TBC1D1: variants seen among roughly 807,000 people sequenced by gnomAD.
The protein encoded by TBC1D1 is TBC1 domain family member 1.
TBC1D1 carries 89 observed loss-of-function variants against 125.6 expected under a neutral mutation model. The observed-to-expected ratio is 0.71, with a 90% CI of 0.60 to 0.85. TBC1D1 has a LOEUF of 0.85. Ranked by LOEUF, TBC1D1 falls within the 40% of genes least tolerant of loss-of-function variation. The pLI is 0.00. For missense variants in TBC1D1, 1,377 were observed against 1,469.2 expected, an observed-to-expected ratio of 0.94 and a Z score of 1.03; for synonymous variants, 565 against 564.1, an observed-to-expected ratio of 1.00 and a Z score of -0.02.
At chr4:37,913,619 A>G (rs1462085109) in intron 2 of TBC1D1, among the ~76,000 whole-genome samples, 1 of 150,578 alleles carries the variant, frequency 6.6e-6, no homozygotes. Context: ...ATATATATAT[A>G]TATGTGTGTA....
At chr4:37,960,751 C>A in intron 2 of TBC1D1, 1 of 1,614,150 alleles carries the variant, frequency 6.2e-7, no homozygotes, top group East Asian at 2.2e-5. Flanking sequence ...TCTGTTCCTG[C>A]CTCAGATGAC....
chr4:38,051,433 T>G (rs776461751), intron 11 of TBC1D1, among the ~76,000 whole-genome samples: 11 of 152,214 alleles, frequency 7.2e-5, no homozygotes, highest in Admixed American at 1.3e-4. Flanking sequence ...ATACTTTAAT[T>G]AAAAATTTTT....
chr4:38,102,199 A>T (rs1380870248), intron 14 of TBC1D1, among the ~76,000 whole-genome samples: 1 of 152,004 alleles, frequency 6.6e-6, no homozygotes, highest in Non-Finnish European at 1.5e-5. Flanking sequence ...CATATGTAAC[A>T]AACCTGCACG....
At chr4:38,043,317 G>T (rs114384373) in intron 8 of TBC1D1, among the ~76,000 whole-genome samples, 1 of 151,866 alleles carries the variant, frequency 6.6e-6, no homozygotes, top group African/African-American at 2.4e-5. Flanking sequence ...TGTACCTTCG[G>T]CTGGGTGTGG....
chr4:37,979,097 G>A (rs1328182984), intron 2 of TBC1D1, among the ~76,000 whole-genome samples: 1 of 152,140 alleles, frequency 6.6e-6, no homozygotes, highest in Non-Finnish European at 1.5e-5. Context: ...GGCAGGTCTC[G>A]AACTCCTGGG....
chr4:38,012,125 G>A (rs923737113), intron 2 of TBC1D1, among the ~76,000 whole-genome samples: 4 of 152,222 alleles, frequency 2.6e-5, no homozygotes, highest in African/African-American at 9.6e-5. Context: ...GAAGACTCAC[G>A]TGACTTGATA....
At chr4:37,916,918 A>C (rs143481560) in intron 2 of TBC1D1, among the ~76,000 whole-genome samples, 1 of 151,810 alleles carries the variant, frequency 6.6e-6, no homozygotes, top group Non-Finnish European at 1.5e-5. Context: ...TTAGAGGCAC[A>C]TGCTACCACG....
chr4:38,097,070 T>A (rs1002352996), intron 14 of TBC1D1, among the ~76,000 whole-genome samples: 3 of 152,234 alleles, frequency 2.0e-5, no homozygotes, highest in African/African-American at 7.2e-5. Context: ...GAGCTCATCA[T>A]GAATAACCAG....
At chr4:37,941,009 G>A (rs1472233697) in intron 2 of TBC1D1, among the ~76,000 whole-genome samples, 1 of 152,154 alleles carries the variant, frequency 6.6e-6, no homozygotes, top group South Asian at 2.1e-4. Context: ...TCTCTGCCAG[G>A]CTTTGGTATC....
intron 7 of TBC1D1, among the ~76,000 whole-genome samples, chr4:38,033,370 C>G (rs1258709678): frequency 6.6e-6 from 1 of 150,984 alleles, no homozygotes; most frequent in African/African-American, 2.5e-5. Context: ...TTCCCTGGAT[C>G]ATTTTTTTTT....
At chr4:38,043,201 CG>C (rs1313941205) in intron 8 of TBC1D1, among the ~76,000 whole-genome samples, 1 of 151,776 alleles carries the variant, frequency 6.6e-6, no homozygotes, top group African/African-American at 2.4e-5. Flanking sequence ...TGCGCCTGGC[CG>C]TTTTTTTTTC....
intron 13 of TBC1D1, among the ~76,000 whole-genome samples, chr4:38,093,458 A>C (rs1426716777): frequency 5.9e-5 from 9 of 152,158 alleles, no homozygotes; most frequent in Non-Finnish European, 1.3e-4. Flanking sequence ...TGTTAGAACA[A>C]AAAGCGCTGC....
intron 1 of TBC1D1, among the ~76,000 whole-genome samples, chr4:37,896,265 G>A (rs1440111535): frequency 1.3e-5 from 2 of 152,112 alleles, no homozygotes; most frequent in African/African-American, 4.8e-5. Context: ...AAGCTGCAGA[G>A]GCTGTTGTAC....
chr4:38,123,917 C>T (rs569368607), intron 17 of TBC1D1, among the ~76,000 whole-genome samples: 2 of 152,276 alleles, frequency 1.3e-5, no homozygotes, highest in Non-Finnish European at 2.9e-5. Flanking sequence ...TCTGTTTCTT[C>T]GTGGCTTTTA....
At chr4:38,036,738 G>A (rs1407854193) in intron 8 of TBC1D1, among the ~76,000 whole-genome samples, 2 of 152,154 alleles carry the variant, frequency 1.3e-5, no homozygotes, top group Admixed American at 6.5e-5. Context: ...TGTCAGCCAC[G>A]GTTTCTAATC....
At chr4:37,912,646 G>A (rs574912340) in intron 2 of TBC1D1, among the ~76,000 whole-genome samples, 1 of 152,308 alleles carries the variant, frequency 6.6e-6, no homozygotes, top group East Asian at 1.9e-4. Context: ...ATTAGGTCAT[G>A]TGGGCTCCTC....
At chr4:38,036,017 C>T (rs775719839) in intron 8 of TBC1D1, among the ~76,000 whole-genome samples, 6 of 152,108 alleles carry the variant, frequency 3.9e-5, no homozygotes, top group Non-Finnish European at 7.4e-5. Context: ...TTTGTCACCT[C>T]GCCTTTCTTC....
chr4:37,949,393 A>T (rs909207428), intron 2 of TBC1D1, among the ~76,000 whole-genome samples: 2 of 152,202 alleles, frequency 1.3e-5, no homozygotes, highest in Non-Finnish European at 2.9e-5. Flanking sequence ...TATAATTCTT[A>T]CACTATTCTG....
At chr4:38,133,415 TC>T (rs999313787) in intron 19 of TBC1D1, among the ~76,000 whole-genome samples, 158 bp downstream of exon 21, 2 of 152,144 alleles carry the variant, frequency 1.3e-5, no homozygotes, top group African/African-American at 4.8e-5. Context: ...GGAGAATGGG[TC>T]CTTTTTATTA....
Sources: allele counts gnomAD v4.1 joint callset (sites outside exome capture counted in the v4.1 genomes callset), GRCh38; gene constraint gnomAD v4.1.1; transcripts MANE v1.5; gene names NCBI Gene and HGNC (gene_info 2026-07-23, HGNC 2026-07-21).